RBM19: variants seen among roughly 807,000 people sequenced by gnomAD.
RBM19 encodes probable RNA-binding protein 19.
In RBM19, 94 loss-of-function variants were observed where a neutral mutation model predicts 116.8. The observed-to-expected ratio is 0.80, with a 90% CI of 0.68 to 0.95. The LOEUF is 0.95. Among genes scored for constraint, RBM19 ranks in the 40% least tolerant of loss-of-function variants. RBM19 has a pLI of 0.00. For missense variants in RBM19, 1,161 were observed against 1,220.7 expected, an observed-to-expected ratio of 0.95 and a Z score of 0.73; for synonymous variants, 475 against 494.1, an observed-to-expected ratio of 0.96 and a Z score of 0.51.
At chr12:113,839,198 A>G (rs1281402931) in intron 23 of RBM19, among the ~76,000 whole-genome samples, 1 of 152,242 alleles carries the variant, frequency 6.6e-6, no homozygotes, top group Non-Finnish European at 1.5e-5. Flanking sequence ...AGCTCTGAAC[A>G]ATGCGGATTT....
At chr12:113,891,825 A>G (rs935405926) in intron 21 of RBM19, among the ~76,000 whole-genome samples, 2 of 152,240 alleles carry the variant, frequency 1.3e-5, no homozygotes, top group African/African-American at 4.8e-5. Context: ...TAGGCAGAGT[A>G]TAATTGCCCC....
At chr12:113,875,852 C>A (rs1879635685) in intron 21 of RBM19, among the ~76,000 whole-genome samples, 1 of 152,206 alleles carries the variant, frequency 6.6e-6, no homozygotes, top group Non-Finnish European at 1.5e-5. Context: ...CTCCCAGCTG[C>A]CTCTCTGTGC....
intron 21 of RBM19, among the ~76,000 whole-genome samples, chr12:113,899,941 G>A (rs1417658980): frequency 2.6e-5 from 4 of 152,198 alleles, no homozygotes; most frequent in African/African-American, 9.7e-5. Flanking sequence ...GCAGACAGGG[G>A]AGGTGTGAAA....
chr12:113,877,298 G>A (rs963949769), intron 21 of RBM19, among the ~76,000 whole-genome samples: 1 of 132,858 alleles, frequency 7.5e-6, no homozygotes, highest in Non-Finnish European at 1.7e-5. Context: ...AGTACATTGC[G>A]GGGGGGTCCC....
intron 21 of RBM19, among the ~76,000 whole-genome samples, chr12:113,897,306 C>T (rs560860468): frequency 1.3e-5 from 2 of 152,312 alleles, no homozygotes; most frequent in Admixed American, 6.5e-5. Context: ...GCTGGGATTA[C>T]AGGCGCCCAC....
chr12:113,952,183 C>T (rs563796769), intron 8 of RBM19, among the ~76,000 whole-genome samples: 1 of 152,362 alleles, frequency 6.6e-6, no homozygotes, highest in South Asian at 2.1e-4. Flanking sequence ...ACCAGCAGAG[C>T]TGCCTGTGGA....
intron 21 of RBM19, among the ~76,000 whole-genome samples, chr12:113,889,021 C>T (rs1209230225): frequency 6.6e-6 from 1 of 152,206 alleles, no homozygotes; most frequent in Non-Finnish European, 1.5e-5. Flanking sequence ...ATGTGAAATG[C>T]CCACAGGCAG....
At chr12:113,948,677 C>T (rs1031873976) in intron 10 of RBM19, among the ~76,000 whole-genome samples, 156 bp downstream of exon 10, 4 of 152,236 alleles carry the variant, frequency 2.6e-5, no homozygotes, top group African/African-American at 9.6e-5. Context: ...ATCCTCACAG[C>T]AGCTCAGGGG....
chr12:113,885,804 AT>A (rs1190946123), intron 21 of RBM19, among the ~76,000 whole-genome samples: 5 of 150,678 alleles, frequency 3.3e-5, no homozygotes, highest in South Asian at 2.1e-4. Flanking sequence ...ATATGTTTGA[AT>A]TTTTTTTAAG....
intron 7 of RBM19, among the ~76,000 whole-genome samples, chr12:113,954,797 T>C (rs1455360258): frequency 6.6e-6 from 1 of 152,196 alleles, no homozygotes; most frequent in East Asian, 1.9e-4. Flanking sequence ...AAGAGCAGGG[T>C]GAGTAGTCAC....
intron 21 of RBM19, among the ~76,000 whole-genome samples, chr12:113,876,412 G>C (rs1879672790): frequency 6.6e-6 from 1 of 152,200 alleles, no homozygotes; most frequent in South Asian, 2.1e-4. Flanking sequence ...TGGTCTCCAT[G>C]CTCAACAGTT....
In RBM19 at chr12:113,948,826, C is replaced by A. The variant is rs752728608; in HGVS notation, c.1276+7G>T. The A allele has an allele frequency of 1.7e-5, 28 of 1,613,978 alleles. No individual in the cohort carries two copies. The highest frequency in any genetic ancestry group is 2.2e-5 in the Non-Finnish European group (26 of 1,180,004). ...GGCTATCCACGGCCCGGAGGCCACA[C>A]CCCTACCATATTTGGAGAAGAGCTT... On this transcript the variant is annotated splice_region_variant and intron_variant, in intron 10 of 23. Transcript: ENST00000261741.
chr12:113,865,712 C>T (rs1025401855), intron 21 of RBM19, among the ~76,000 whole-genome samples: 5 of 152,088 alleles, frequency 3.3e-5, no homozygotes, highest in African/African-American at 1.2e-4. Flanking sequence ...TAGGATGATG[C>T]TCTTTTATGC....
chr12:113,963,066 G>C (rs893929189), intron 1 of RBM19, among the ~76,000 whole-genome samples: 2 of 152,150 alleles, frequency 1.3e-5, no homozygotes, highest in African/African-American at 4.8e-5. Flanking sequence ...AGGAAGGCAG[G>C]TGCTTCTAGA....
intron 21 of RBM19, among the ~76,000 whole-genome samples, chr12:113,883,349 C>T (rs1280579406): frequency 6.6e-6 from 1 of 152,230 alleles, no homozygotes; most frequent in Non-Finnish European, 1.5e-5. Flanking sequence ...GCAGACAGAA[C>T]CCTCTTTGAT....
intron 6 of RBM19, among the ~76,000 whole-genome samples, chr12:113,956,652 A>G (rs551760021): frequency 1.3e-5 from 2 of 151,850 alleles, no homozygotes; most frequent in Non-Finnish European, 2.9e-5. Context: ...AGGAGGGAAC[A>G]GGGACCTGGA....
rs919812337 is a variant in RBM19, at chr12:113,840,080, G to C, written c.2785+4588C>G. ...GTAATGCAATTACCAGGCGTTCCCA[G>C]TTCCTCTGAGGCCAGCCATACTGGA... On this transcript the variant is annotated intron_variant, in intron 23 of 23. Transcript: ENST00000261741. Among the ~76,000 whole-genome samples, 7 of 151,910 alleles carry C rather than the reference G, an allele frequency of 4.6e-5. No individual in the cohort carries two copies. In the Admixed American group the frequency reaches 4.6e-4, roughly 10 times the overall value.
intron 21 of RBM19, among the ~76,000 whole-genome samples, chr12:113,867,154 G>T (rs1449208015): frequency 6.6e-6 from 1 of 152,206 alleles, no homozygotes; most frequent in African/African-American, 2.4e-5. Context: ...AGCCTCTGCA[G>T]GATTCTAAGC....
intron 21 of RBM19, among the ~76,000 whole-genome samples, chr12:113,860,116 C>T (rs1478108684): frequency 1.3e-5 from 2 of 152,238 alleles, no homozygotes; most frequent in Non-Finnish European, 2.9e-5. Context: ...GGTGCCTCCT[C>T]TGTGCAGGCA....
Sources: allele counts gnomAD v4.1 joint callset (sites outside exome capture counted in the v4.1 genomes callset), GRCh38; gene constraint gnomAD v4.1.1; transcripts MANE v1.5; gene names NCBI Gene and HGNC (gene_info 2026-07-23, HGNC 2026-07-21).